HEATR4: variants seen among roughly 807,000 people sequenced by gnomAD.
HEATR4 encodes HEAT repeat containing 4, also known as HEAT repeat-containing protein 4.
In HEATR4, 95 loss-of-function variants were observed where a neutral mutation model predicts 108.8. That is an observed-to-expected ratio of 0.87 (90% CI 0.74 to 1.04). The LOEUF (loss-of-function observed/expected upper bound fraction) is 1.04. Ranked by LOEUF, HEATR4 falls within the 50% of genes least tolerant of loss-of-function variation. The pLI is 0.00. For synonymous variants in HEATR4, 443 were observed against 459.4 expected (o/e 0.96, Z 0.46); for missense variants, 1,152 against 1,253.8 (o/e 0.92, Z 1.23).
In HEATR4 at chr14:73,547,317, G is replaced by C. The variant is rs182212013; in HGVS notation, c.-152+11434C>G. ...AATCACTTGAAACCGGAAGGCGGAG[G>C]TTGCAGAGAGCCAAGATCGTGCCAC... On this transcript the variant is annotated intron_variant, in intron 1 of 17. Transcript: ENST00000553558. Among the ~76,000 whole-genome samples, 326 of 116,238 alleles carry C rather than the reference G, an allele frequency of 2.8e-3. 70 individuals are homozygous for C. Among genetic ancestry groups the C allele is most frequent in the African/African-American group, 8.7e-3 (313 of 36,032 alleles). The allele number at this position is 116,238 out of a possible 152,430, so 76.3% of individuals were successfully genotyped here.
intron 5 of HEATR4, among the ~76,000 whole-genome samples, chr14:73,517,956 C>A (rs548142369): frequency 6.6e-6 from 1 of 151,814 alleles, no homozygotes; most frequent in African/African-American, 2.4e-5. Flanking sequence ...TGTGGTGGCG[C>A]GCACCTGTAG....
chr14:73,606,389 A>AC, the HEATR4 span, among the ~76,000 whole-genome samples: 4 of 60,546 alleles, frequency 6.6e-5, no homozygotes, highest in Admixed American at 3.3e-4. Flanking sequence ...CAAAACAAAA[A>AC]AAAAAAAAAC....
chr14:73,600,529 A>G, the HEATR4 span, among the ~76,000 whole-genome samples: 3 of 151,888 alleles, frequency 2.0e-5, no homozygotes, highest in South Asian at 2.1e-4. Context: ...TCAGCTCACT[A>G]CAACTTCTGC....
intron 5 of HEATR4, 42 bp downstream of exon 5, chr14:73,518,981 C>G (rs1421603007): frequency 1.3e-6 from 2 of 1,575,334 alleles, no homozygotes; most frequent in Admixed American, 3.5e-5. Flanking sequence ...TAGCCACATT[C>G]CCGTTATTAA....
At chr14:73,592,808 G>A in the HEATR4 span, among the ~76,000 whole-genome samples, 2 of 152,062 alleles carry the variant, frequency 1.3e-5, no homozygotes, top group Admixed American at 1.3e-4. Context: ...AGCCGAGATC[G>A]CACCACTGCA....
At chr14:73,592,426 G>A in the HEATR4 span, 1 of 1,501,024 alleles carries the variant, frequency 6.7e-7, no homozygotes, top group Non-Finnish European at 8.8e-7. Context: ...GGTGAGCCAG[G>A]CTGCTGGCGG....
chr14:73,573,115 GTCTT>G, the HEATR4 span, among the ~76,000 whole-genome samples: 15 of 151,806 alleles, frequency 9.9e-5, no homozygotes, highest in African/African-American at 1.7e-4. Context: ...CTATGTAGCA[GTCTT>G]TCTTTTTGTT....
At chr14:73,617,839 ATAAT>A in the HEATR4 span, among the ~76,000 whole-genome samples, 571 of 152,262 alleles carry the variant, frequency 3.8e-3, 8 homozygotes, top group Admixed American at 0.025. Flanking sequence ...GATAACAGAA[ATAAT>A]TAATTAATTA....
Position 73,500,652 on chromosome 14 carries a change from G to A in HEATR4, c.2184C>T (p.Ala728=), listed in dbSNP as rs1414557042. 2 of 1,614,204 alleles carry A rather than the reference G, an allele frequency of 1.2e-6. No individual in the cohort carries two copies. The highest frequency in any genetic ancestry group is 1.7e-6 in the Non-Finnish European group (2 of 1,180,030). ...AGTGCAGGAAGCTTGGGAGAAGCTT[G>A]GCGGTCATAAGCTTGAGCTCACCTA... ...YLIGELKLMT[A]KLLPSFLHCF... is the part of the protein sequence containing the mutation. The change falls in exon 12 of 18, where the codon GCC becomes GCT. Residue 728 remains alanine, a synonymous_variant. Transcript: ENST00000553558.
In HEATR4 at chr14:73,542,274, A is replaced by G. The variant is rs573237899; in HGVS notation, c.-151-12030T>C. On this transcript the variant is annotated intron_variant, in intron 1 of 17. Transcript: ENST00000553558. ...CGGCCTCCCAGAGTGCTGGAATTAC[A>G]GGCATGAGCCACCACACCTGGCCTC... Among the ~76,000 whole-genome samples, 9 of 109,936 alleles carry G rather than the reference A, an allele frequency of 8.2e-5. 4 individuals are homozygous for G. In the South Asian group the frequency reaches 2.0e-3, roughly 25 times the overall value. 72.1% of individuals were successfully genotyped at this position (109,936 alleles called of 152,430 possible). A position where few individuals can be genotyped will look rare whatever the true frequency, so the allele number is the denominator to read the frequency against.
At chr14:73,480,551 G>T (rs1244524646) in intron 17 of HEATR4, among the ~76,000 whole-genome samples, 1 of 151,396 alleles carries the variant, frequency 6.6e-6, no homozygotes, top group East Asian at 1.9e-4. Flanking sequence ...TATGTTTTTT[G>T]AATATTGTAT....
the HEATR4 span, chr14:73,593,783 G>C: frequency 0.026 from 42,766 of 1,613,942 alleles, 906 homozygotes; most frequent in South Asian, 0.093. Context: ...CTCCTTGCTG[G>C]CCATGGCTTT....
chr14:73,608,100 C>T, the HEATR4 span, among the ~76,000 whole-genome samples: 87,827 of 151,482 alleles, frequency 0.58, 26,780 homozygotes, highest in East Asian at 0.89. Flanking sequence ...AATTTTTGTA[C>T]TTTTAGTAGA....
chr14:73,521,145 T>G (rs1887955489), intron 3 of HEATR4, 106 bp from the exon 4 acceptor site: 3 of 954,270 alleles, frequency 3.1e-6, no homozygotes, highest in Admixed American at 4.3e-5. Flanking sequence ...GCTCAGCTCC[T>G]ATACACGTGA....
chr14:73,479,811 A>G (rs1885177008), intron 17 of HEATR4, among the ~76,000 whole-genome samples: 1 of 150,390 alleles, frequency 6.6e-6, no homozygotes, highest in Non-Finnish European at 1.5e-5. Context: ...TCCTGACCTC[A>G]TGATCTGCCT....
chr14:73,510,260 A>G (rs1887159984), intron 7 of HEATR4, among the ~76,000 whole-genome samples: 1 of 152,084 alleles, frequency 6.6e-6, no homozygotes, highest in Non-Finnish European at 1.5e-5. Flanking sequence ...TGAATTAGGC[A>G]AGGTAGGTAT....
At chr14:73,571,632 G>C in the HEATR4 span, 1 of 150,762 alleles carries the variant, frequency 6.6e-6, no homozygotes, top group African/African-American at 2.4e-5. Flanking sequence ...AGCCCCGCAG[G>C]AGGCCGTCTG....
At chr14:73,591,968 A>C in the HEATR4 span, 1 of 1,384,410 alleles carries the variant, frequency 7.2e-7, no homozygotes, top group Non-Finnish European at 9.3e-7. Context: ...AGATGTCAGC[A>C]ACGCTGATCC....
chr14:73,478,905 C>G, intron 17 of HEATR4, 63 bp from the exon 18 acceptor site: 1 of 1,284,574 alleles, frequency 7.8e-7, no homozygotes, highest in Non-Finnish European at 1.1e-6. Context: ...GCGGCAGAGC[C>G]CAAGTGAAGG....
Sources: allele counts gnomAD v4.1 joint callset (sites outside exome capture counted in the v4.1 genomes callset), GRCh38; gene constraint gnomAD v4.1.1; transcripts MANE v1.5; gene names NCBI Gene and HGNC (gene_info 2026-07-23, HGNC 2026-07-21).